Variants in VWA2 observed in about 807,000 individuals in gnomAD.
VWA2 encodes von Willebrand factor A domain containing 2.
VWA2 carries 73 observed loss-of-function variants against 70.4 expected under a neutral mutation model. That is an observed-to-expected ratio of 1.04 (90% confidence interval 0.86 to 1.26). VWA2 has a LOEUF of 1.26. Among genes scored for constraint, VWA2 ranks in the 50% most tolerant of loss-of-function variants. The probability of loss-of-function intolerance (pLI) is 0.00; values close to 1 mark genes in which losing one functional copy is unlikely to be tolerated. For synonymous variants in VWA2, 407 were observed against 423.3 expected (o/e 0.96, Z 0.47); for missense variants, 1,011 against 998.5 (o/e 1.01, Z -0.17).
At chr10:114,246,752 C>A in intron 1 of VWA2, 1 of 1,436,304 alleles carries the variant, frequency 7.0e-7, no homozygotes, top group Non-Finnish European at 9.8e-7. Flanking sequence ...TGAACCAGGG[C>A]TGCTGTATAA....
At chr10:114,250,475 G>A (rs2037172061) in intron 2 of VWA2, among the ~76,000 whole-genome samples, 1 of 152,224 alleles carries the variant, frequency 6.6e-6, no homozygotes, top group African/African-American at 2.4e-5. Context: ...AGCCTCGTGA[G>A]GCTCGGGGTC....
intron 11 of VWA2, among the ~76,000 whole-genome samples, chr10:114,288,207 T>C (rs1194752131): frequency 2.6e-5 from 4 of 152,212 alleles, no homozygotes; most frequent in Non-Finnish European, 5.9e-5. Flanking sequence ...TTAGGTGAAA[T>C]GTCACCTCCC....
At chr10:114,276,054 T>G (rs192486044) in intron 6 of VWA2, among the ~76,000 whole-genome samples, 3 of 152,362 alleles carry the variant, frequency 2.0e-5, no homozygotes, top group Admixed American at 2.0e-4. Flanking sequence ...TGTCAGTGTT[T>G]CAGTGTCTGC....
Position 114,282,696 on chromosome 10 carries a change from G to C in VWA2, c.889+125G>C, listed in dbSNP as rs1158671331. ...TGACTGGCTCCAGGGCAGAGGGATG[G>C]GGCACTTGGGGGGCAGAGGAGAGTG... On this transcript the variant is annotated intron_variant, in intron 9 of 13. Transcript: ENST00000392982. 8 of 750,904 alleles carry C rather than the reference G, an allele frequency of 1.1e-5. No individual in the cohort carries two copies. The East Asian group carries it at 2.1e-4, about 19-fold the overall frequency. The allele number at this position is 750,904 out of a possible 1,614,324, so 46.5% of individuals were successfully genotyped here. A position where few individuals can be genotyped will look rare whatever the true frequency, so the allele number is the denominator to read the frequency against.
chr10:114,290,329 T>C lies in VWA2; in HGVS notation c.2212T>C (p.Cys738Arg), dbSNP rs2039449017. The stretch of plus-strand genomic sequence containing the variant: ...GCAGAATGGGAGCTACCGCTGCAAG[T>C]GTCGGGATGGCTGGGAGGGCCCCCA... The part of the protein sequence containing the change: ...VLQNGSYRCK[C>R]RDGWEGPHCE... Residue 738 changes from cysteine to arginine, a missense_variant, in exon 13 of 14, where the codon TGT becomes CGT. Physicochemically the swap from Cys to Arg is radical, Grantham distance 180 (BLOSUM62 -3). Coordinates refer to ENST00000392982, the MANE Select transcript of VWA2 (RefSeq NM_001272046.2). The C allele has an allele frequency of 6.4e-7, 1 of 1,550,410 alleles. No homozygotes were observed. The highest frequency in any genetic ancestry group is 8.7e-7 in the Non-Finnish European group (1 of 1,146,980).
chr10:114,272,002 C>T (rs1159166092), intron 5 of VWA2, among the ~76,000 whole-genome samples: 2 of 152,250 alleles, frequency 1.3e-5, no homozygotes, highest in African/African-American at 4.8e-5. Context: ...ACACTCAAAG[C>T]TGGCAGTCCT....
chr10:114,278,105 C>G (rs566101774), intron 7 of VWA2, 58 bp downstream of exon 7: 1 of 1,574,688 alleles, frequency 6.4e-7, no homozygotes. Context: ...GGAGGGCTCC[C>G]TGAGGCAAGA....
At chr10:114,281,237 G>C (rs1474369735) in intron 8 of VWA2, 1 of 152,286 alleles carries the variant, frequency 6.6e-6, no homozygotes, top group Non-Finnish European at 1.5e-5. Context: ...AGTCTCCTCA[G>C]GTGAGGCCAT....
chr10:114,253,343 G>A (rs543448158), intron 2 of VWA2, among the ~76,000 whole-genome samples: 7 of 41,180 alleles, frequency 1.7e-4, no homozygotes, highest in African/African-American at 8.2e-4. Flanking sequence ...CCCCCTCCCC[G>A]CTTATTACAC....
At chr10:114,253,825 C>T (rs2037260571) in intron 3 of VWA2, 100 bp downstream of exon 3, 3 of 1,145,458 alleles carry the variant, frequency 2.6e-6, no homozygotes, top group Admixed American at 2.0e-5. Context: ...CTGCCCCTTT[C>T]CCATCTTCCT....
rs1277385191 is a variant in VWA2 at position 114,293,321 on chromosome 10, C to T, written c.*2084C>T. 6.6e-6 allele frequency among the ~76,000 whole-genome samples: 1 copy of T among 152,196 alleles called. No homozygotes were observed. The highest frequency in any genetic ancestry group is 1.5e-5 in the Non-Finnish European group (1 of 68,034). On this transcript the variant is annotated 3_prime_UTR_variant, in exon 14 of 14. Coordinates refer to ENST00000392982, the MANE Select transcript of VWA2 (RefSeq NM_001272046.2). Reference sequence around the variant, plus strand: ...ACATGAATGCATTGTCTTTAAATAGCAGTTTAACCATGTTATAATGTAGGC... The same window carrying T: ...ACATGAATGCATTGTCTTTAAATAGTAGTTTAACCATGTTATAATGTAGGC...
chr10:114,282,475 C>T (rs758330491), intron 8 of VWA2, 41 bp from the exon 9 acceptor site: 8 of 1,557,280 alleles, frequency 5.1e-6, no homozygotes, highest in Admixed American at 3.3e-5. Flanking sequence ...CCTCCCCTTA[C>T]ACCTCTGATC....
chr10:114,291,474 T>C lies in VWA2; in HGVS notation c.*237T>C, dbSNP rs935984171. ...TGATGTCACCCACAAACGATGTTGT[T>C]GAAAAGTTTTGATGTGTAAGTAAAT... On this transcript the variant is annotated 3_prime_UTR_variant, in exon 14 of 14. Coordinates refer to ENST00000392982, the MANE Select transcript of VWA2 (RefSeq NM_001272046.2). The C allele has an allele frequency of 5.7e-6, 3 of 526,538 alleles. No homozygotes were observed. Among genetic ancestry groups the C allele is most frequent in the Non-Finnish European group, 9.9e-6 (3 of 302,526 alleles). 32.6% of individuals were successfully genotyped at this position (526,538 alleles called of 1,614,324 possible). A position where few individuals can be genotyped will look rare whatever the true frequency, so the allele number is the denominator to read the frequency against.
At position 114,278,852 on chromosome 10, in the gene VWA2, G is replaced by T; in HGVS notation, c.833+1G>T. On this transcript the variant is annotated splice_donor_variant, in intron 8 of 13. Coordinates refer to ENST00000392982, the MANE Select transcript of VWA2 (RefSeq NM_001272046.2). LOFTEE classifies it high-confidence loss of function. ...TGGCTGCACACTGTCCCTTCTACAG[G>T]TTTGTCTGCGCGGTCTGGGCTCGGC... The T allele has an allele frequency of 6.2e-7, 1 of 1,612,788 alleles. No homozygotes were observed. Among genetic ancestry groups the T allele is most frequent in the Non-Finnish European group, 8.5e-7 (1 of 1,180,002 alleles).
rs755715991 is a variant in VWA2, at chr10:114,286,366, G to C, written c.1425G>C (p.Leu475=). 5.6e-6 allele frequency: 9 copies of C among 1,613,832 alleles called. 1 individual carries two copies. The South Asian group carries it at 8.8e-5, about 16-fold the overall frequency. The change falls in exon 11 of 14, where the codon CTG becomes CTC. Residue 475 remains leucine, a synonymous_variant. Transcript: ENST00000392982. ...ARHARARELL[L]LGVGSEAVRA... is the part of the protein sequence containing the mutation. ...ACGCAAGGGCGCGAGAGCTGCTCCT[G>C]CTGGGTGTAGGCAGTGAGGCCGTGC...
chr10:114,275,868 C>T (rs1487661376), intron 6 of VWA2, among the ~76,000 whole-genome samples: 1 of 152,150 alleles, frequency 6.6e-6, no homozygotes, highest in African/African-American at 2.4e-5. Flanking sequence ...GCAGAGGTTA[C>T]AGTGAGCCGA....
chr10:114,250,396 G>A (rs2037170241), intron 2 of VWA2, among the ~76,000 whole-genome samples: 1 of 152,164 alleles, frequency 6.6e-6, no homozygotes. Context: ...AAGGTAGGAA[G>A]GAATTGATGT....
intron 1 of VWA2, among the ~76,000 whole-genome samples, chr10:114,244,221 A>G (rs961788407): frequency 6.6e-6 from 1 of 152,192 alleles, no homozygotes; most frequent in Admixed American, 6.5e-5. Context: ...TGCAGGATTC[A>G]GGGTGGCAGA....
chr10:114,241,234 A>C (rs929169956), intron 1 of VWA2, among the ~76,000 whole-genome samples: 1 of 152,116 alleles, frequency 6.6e-6, no homozygotes, highest in African/African-American at 2.4e-5. Flanking sequence ...TTATGACCCA[A>C]AGTTCACAGT....
Sources: gnomAD v4.1 joint callset for allele counts (sites outside exome capture counted in the v4.1 genomes callset) on GRCh38, gnomAD v4.1.1 for gene constraint, MANE v1.5 for transcripts, NCBI Gene and HGNC (gene_info 2026-07-23, HGNC 2026-07-21) for gene names.